The following CCDC138 variants were observed in gnomAD, a reference collection of about 807,000 sequenced individuals.
CCDC138 encodes coiled-coil domain-containing protein 138.
CCDC138 carries 66 observed loss-of-function variants against 82.3 expected under a neutral mutation model. The ratio of observed to expected loss-of-function variants is 0.80; its 90% confidence interval spans 0.66 to 0.98. The LOEUF (loss-of-function observed/expected upper bound fraction) is 0.98, where lower values mean the gene tolerates loss of function less well. Among genes scored for constraint, CCDC138 ranks in the 50% least tolerant of loss-of-function variants. The pLI, the probability that CCDC138 is intolerant of heterozygous loss-of-function variation, is 0.00. For synonymous variants in CCDC138, 297 were observed against 265.4 expected (o/e 1.12, Z -1.16); for missense variants, 816 against 758.9 (o/e 1.08, Z -0.88).
intron 13 of CCDC138, among the ~76,000 whole-genome samples, chr2:108,869,773 C>T (rs1366332760): frequency 6.6e-6 from 1 of 152,178 alleles, no homozygotes; most frequent in Non-Finnish European, 1.5e-5. Flanking sequence ...ACACTCCCTA[C>T]ACCGTTCCCA....
intron 10 of CCDC138, among the ~76,000 whole-genome samples, chr2:108,817,222 A>G (rs528319307): frequency 4.6e-5 from 7 of 152,302 alleles, no homozygotes; most frequent in African/African-American, 1.7e-4. Flanking sequence ...AGTAGGTCAG[A>G]GACTCAACCC....
chr2:108,823,438 G>T (rs1267717123), intron 10 of CCDC138, among the ~76,000 whole-genome samples: 1 of 152,158 alleles, frequency 6.6e-6, no homozygotes, highest in Non-Finnish European at 1.5e-5. Flanking sequence ...CTTAACAATA[G>T]GACCACATTC....
intron 6 of CCDC138, among the ~76,000 whole-genome samples, chr2:108,803,500 T>C (rs995279863): frequency 6.6e-6 from 1 of 152,184 alleles, no homozygotes; most frequent in African/African-American, 2.4e-5. Flanking sequence ...TGGAGCGCAG[T>C]GGCTATGCAC....
At chr2:108,864,068 GTTACACTAGTGTGTAAC>G (rs1360729644) in intron 13 of CCDC138, among the ~76,000 whole-genome samples, 1 of 151,872 alleles carries the variant, frequency 6.6e-6, no homozygotes, top group Non-Finnish European at 1.5e-5. Context: ...TAGATGATGT[GTTACACTAGTGTGTAAC>G]ACTAGTGAGC....
At chr2:108,810,211 G>C (rs769790036) in intron 7 of CCDC138, among the ~76,000 whole-genome samples, 5 of 152,104 alleles carry the variant, frequency 3.3e-5, no homozygotes, top group Non-Finnish European at 5.9e-5. Flanking sequence ...GAGCATCCTT[G>C]TCTTGTTCTA....
intron 12 of CCDC138, among the ~76,000 whole-genome samples, chr2:108,852,308 T>G (rs1013295861): frequency 1.3e-5 from 2 of 152,116 alleles, no homozygotes; most frequent in Admixed American, 1.3e-4. Flanking sequence ...TTTGTGGGAG[T>G]GTAAATTAGT....
intron 10 of CCDC138, among the ~76,000 whole-genome samples, chr2:108,822,640 A>G (rs2150075637): frequency 6.6e-6 from 1 of 152,352 alleles, no homozygotes; most frequent in East Asian, 1.9e-4. Context: ...CAAACCAAGG[A>G]AGGATAACTA....
intron 6 of CCDC138, among the ~76,000 whole-genome samples, chr2:108,798,852 C>CA (rs746855718): frequency 2.6e-4 from 39 of 150,004 alleles, no homozygotes; most frequent in African/African-American, 3.9e-4. Flanking sequence ...CACACACACA[C>CA]ATTTTTTCTG....
intron 10 of CCDC138, among the ~76,000 whole-genome samples, chr2:108,818,391 A>T (rs1344507033): frequency 6.6e-6 from 1 of 152,178 alleles, no homozygotes; most frequent in African/African-American, 2.4e-5. Flanking sequence ...TAGCACGTGT[A>T]TTTCTCAGGA....
At chr2:108,854,864 G>A (rs1176331080) in intron 12 of CCDC138, among the ~76,000 whole-genome samples, 2 of 152,166 alleles carry the variant, frequency 1.3e-5, no homozygotes, top group Admixed American at 6.5e-5. Context: ...TTCAAAGGGT[G>A]GGCAGTAGAG....
chr2:108,868,084 A>T (rs1694699765), intron 13 of CCDC138, among the ~76,000 whole-genome samples: 1 of 152,364 alleles, frequency 6.6e-6, no homozygotes, highest in South Asian at 2.1e-4. Context: ...ATTACCAAAG[A>T]GTGTGCTAAC....
chr2:108,841,754 G>A (rs1429930562), intron 11 of CCDC138, among the ~76,000 whole-genome samples: 6 of 151,738 alleles, frequency 4.0e-5, no homozygotes, highest in Non-Finnish European at 7.4e-5. Context: ...ATATGTTAGG[G>A]CTTAAGCTGT....
intron 13 of CCDC138, among the ~76,000 whole-genome samples, chr2:108,873,126 A>G (rs2105250983): frequency 6.6e-6 from 1 of 152,256 alleles, no homozygotes; most frequent in East Asian, 1.9e-4. Context: ...GTTGCTAATT[A>G]TAGTATTTAA....
intron 13 of CCDC138, among the ~76,000 whole-genome samples, chr2:108,871,711 AATTG>A (rs1695279475): frequency 6.6e-6 from 1 of 152,150 alleles, no homozygotes; most frequent in Non-Finnish European, 1.5e-5. Context: ...TTCTACACAG[AATTG>A]ATTGACTTCC....
intron 12 of CCDC138, among the ~76,000 whole-genome samples, chr2:108,847,648 T>C (rs753182029): frequency 1.8e-4 from 28 of 152,346 alleles, no homozygotes; most frequent in Non-Finnish European, 4.0e-4. Flanking sequence ...TTTGTTAAAG[T>C]GAGTTATGCC....
intron 9 of CCDC138, among the ~76,000 whole-genome samples, chr2:108,813,248 CAAAAAAAAAAA>C (rs371435296): frequency 1.6e-5 from 1 of 63,542 alleles, no homozygotes; most frequent in Non-Finnish European, 2.5e-5. Flanking sequence ...GACTCCGTCT[CAAAAAAAAAAA>C]AAAAAAAAAA....
At chr2:108,845,479 A>T (rs541579314) in intron 11 of CCDC138, among the ~76,000 whole-genome samples, 1 of 152,302 alleles carries the variant, frequency 6.6e-6, no homozygotes, top group Admixed American at 6.5e-5. Flanking sequence ...AGATTGGAGA[A>T]TTGGGTCATA....
At chr2:108,817,395 T>C (rs908657501) in intron 10 of CCDC138, among the ~76,000 whole-genome samples, 1 of 151,920 alleles carries the variant, frequency 6.6e-6, no homozygotes, top group African/African-American at 2.4e-5. Flanking sequence ...CGGGTTCAAG[T>C]GATTCTCCTG....
chr2:108,803,333 A>C (rs1395034676), intron 6 of CCDC138, among the ~76,000 whole-genome samples: 1 of 151,974 alleles, frequency 6.6e-6, no homozygotes, highest in Non-Finnish European at 1.5e-5. Flanking sequence ...TTCTCCCCAC[A>C]CTCTGGCTCA....
Sources: gnomAD v4.1 joint callset for allele counts (sites outside exome capture counted in the v4.1 genomes callset) on GRCh38, gnomAD v4.1.1 for gene constraint, MANE v1.5 for transcripts, NCBI Gene and HGNC (gene_info 2026-07-23, HGNC 2026-07-21) for gene names.